Variants in AGTPBP1 observed in about 807,000 individuals in gnomAD.
The protein encoded by AGTPBP1 is cytosolic carboxypeptidase 1.
Under a neutral mutation model 143.9 loss-of-function variants are expected in AGTPBP1, and 70 were observed. That is an observed-to-expected ratio of 0.49 (90% CI 0.40 to 0.59). The LOEUF is 0.59. Ranked by LOEUF, AGTPBP1 falls within the 20% of genes least tolerant of loss-of-function variation. The pLI is 0.00. For missense variants in AGTPBP1, 1,229 were observed against 1,464.5 expected (o/e 0.84, Z 2.62); for synonymous variants, 463 against 500.2 (o/e 0.93, Z 0.99).
intron 2 of AGTPBP1, among the ~76,000 whole-genome samples, chr9:85,700,005 T>C (rs1223853360): frequency 1.3e-5 from 2 of 152,184 alleles, no homozygotes; most frequent in Non-Finnish European, 2.9e-5. Flanking sequence ...TCTTTTAATG[T>C]CTGGCTCAGT....
intron 25 of AGTPBP1, among the ~76,000 whole-genome samples, chr9:85,558,677 G>A (rs1271567790): frequency 6.6e-6 from 1 of 152,096 alleles, no homozygotes. Context: ...ACAATACAAC[G>A]ACATGATCTC....
At chr9:85,669,845 A>T (rs560456614) in intron 7 of AGTPBP1, among the ~76,000 whole-genome samples, 1 of 151,966 alleles carries the variant, frequency 6.6e-6, no homozygotes, top group South Asian at 2.1e-4. Context: ...CAGTTACTCT[A>T]TATTTCTCTA....
intron 13 of AGTPBP1, among the ~76,000 whole-genome samples, chr9:85,639,915 C>T (rs1024764812): frequency 6.6e-6 from 1 of 152,172 alleles, no homozygotes; most frequent in Admixed American, 6.5e-5. Context: ...ACGTTGCCTT[C>T]GAACAGCATT....
chr9:85,548,953 G>A (rs1207167738), intron 25 of AGTPBP1, among the ~76,000 whole-genome samples: 3 of 152,200 alleles, frequency 2.0e-5, no homozygotes, highest in African/African-American at 7.2e-5. Context: ...GGGATTACAG[G>A]TGTGAGCCAC....
At chr9:85,566,949 G>A (rs1433839357) in intron 25 of AGTPBP1, among the ~76,000 whole-genome samples, 1 of 152,142 alleles carries the variant, frequency 6.6e-6, no homozygotes, top group Admixed American at 6.5e-5. Context: ...AAAGACAGAG[G>A]GAATCACAGC....
At chr9:85,584,284 T>C (rs886137672) in intron 23 of AGTPBP1, among the ~76,000 whole-genome samples, 7 of 152,210 alleles carry the variant, frequency 4.6e-5, no homozygotes, top group African/African-American at 1.7e-4. Flanking sequence ...ATTTGTTGAC[T>C]GTTGACATGT....
intron 8 of AGTPBP1, among the ~76,000 whole-genome samples, chr9:85,664,831 C>T (rs1451048945): frequency 1.3e-5 from 2 of 152,172 alleles, no homozygotes; most frequent in East Asian, 1.9e-4. Context: ...AAGTACCAGA[C>T]TCCACTTACC....
At chr9:85,572,004 G>GTTTGTTTT (rs1827510210) in intron 25 of AGTPBP1, among the ~76,000 whole-genome samples, 1 of 43,434 alleles carries the variant, frequency 2.3e-5, no homozygotes, top group Non-Finnish European at 5.0e-5. Context: ...GTTTGTGTGT[G>GTTTGTTTT]TTTTTTTTTT....
At chr9:85,624,565 A>G (rs907246981) in intron 14 of AGTPBP1, among the ~76,000 whole-genome samples, 10 of 152,124 alleles carry the variant, frequency 6.6e-5, no homozygotes, top group Non-Finnish European at 1.3e-4. Flanking sequence ...CAATACTTCC[A>G]CTATTGCCTC....
the AGTPBP1 span, among the ~76,000 whole-genome samples, chr9:85,776,422 CTAGTG>C: frequency 6.6e-6 from 1 of 152,188 alleles, no homozygotes; most frequent in African/African-American, 2.4e-5. Context: ...GGTTTTTCTC[CTAGTG>C]GAGTGACCCA....
Position 85,741,947 on chromosome 9 carries a change from C to A in AGTPBP1, c.-206G>T, listed in dbSNP as rs762840862. The A allele has an allele frequency of 7.8e-7, 1 of 1,284,800 alleles. No individual in the cohort carries two copies. Among genetic ancestry groups the A allele is most frequent in the Non-Finnish European group, 9.8e-7 (1 of 1,019,980 alleles). The allele number at this position is 1,284,800 out of a possible 1,614,324, so 79.6% of individuals were successfully genotyped here. On this transcript the variant is annotated 5_prime_UTR_variant, in exon 1 of 26. Transcript: ENST00000357081. Reference sequence around the variant, plus strand: ...GCTGCGGCGGCGGCGCTGGAGGCGGCGGAACCTGTCCGCATCCCGGGCAAC... The same window carrying A: ...GCTGCGGCGGCGGCGCTGGAGGCGGAGGAACCTGTCCGCATCCCGGGCAAC...
intron 25 of AGTPBP1, among the ~76,000 whole-genome samples, chr9:85,547,990 AT>A (rs989753695): frequency 2.6e-5 from 4 of 152,092 alleles, no homozygotes; most frequent in Admixed American, 2.0e-4. Flanking sequence ...CATTATTCTG[AT>A]TTCTCCCCAT....
intron 25 of AGTPBP1, among the ~76,000 whole-genome samples, chr9:85,554,731 T>C (rs189415085): frequency 4.6e-5 from 7 of 152,070 alleles, no homozygotes; most frequent in African/African-American, 1.2e-4. Context: ...ACATAAGAAA[T>C]AGAAACAGGA....
chr9:85,616,596 A>G (rs1830614212), intron 17 of AGTPBP1, among the ~76,000 whole-genome samples: 1 of 151,970 alleles, frequency 6.6e-6, no homozygotes, highest in Admixed American at 6.5e-5. Context: ...ATATGCCTTT[A>G]TATTTTACTC....
chr9:85,799,808 G>A, the AGTPBP1 span, among the ~76,000 whole-genome samples: 1 of 152,098 alleles, frequency 6.6e-6, no homozygotes, highest in South Asian at 2.1e-4. Context: ...GTTAGCCAGT[G>A]CGCCCAGTCA....
intron 3 of AGTPBP1, among the ~76,000 whole-genome samples, chr9:85,681,923 T>C (rs917124676): frequency 6.6e-6 from 1 of 151,704 alleles, no homozygotes; most frequent in Non-Finnish European, 1.5e-5. Flanking sequence ...CTAATTTTTG[T>C]ATTTTTAGTA....
chr9:85,689,962 A>C (rs117829868), intron 3 of AGTPBP1, among the ~76,000 whole-genome samples: 2,195 of 146,584 alleles, frequency 0.015, 25 homozygotes, highest in Middle Eastern at 0.051. Flanking sequence ...AAGTAAAAAT[A>C]AAATACCAGG....
At chr9:85,764,866 G>A in the AGTPBP1 span, 13 of 1,267,400 alleles carry the variant, frequency 1.0e-5, no homozygotes, top group Admixed American at 3.4e-5. Flanking sequence ...ATCAGCTCCA[G>A]AAACGAAGAC....
At chr9:85,739,708 CAAAA>C (rs547952850) in intron 1 of AGTPBP1, among the ~76,000 whole-genome samples, 29 of 82,050 alleles carry the variant, frequency 3.5e-4, no homozygotes, top group African/African-American at 1.1e-3. Context: ...AACTCCGTCT[CAAAA>C]AAAAAAAAAA....
Sources: allele counts gnomAD v4.1 joint callset (sites outside exome capture counted in the v4.1 genomes callset), GRCh38; gene constraint gnomAD v4.1.1; transcripts MANE v1.5; gene names NCBI Gene and HGNC (gene_info 2026-07-23, HGNC 2026-07-21).